Variants in PRKN observed in about 807,000 individuals in gnomAD.
PRKN encodes the protein parkin RBR E3 ubiquitin protein ligase, also known as E3 ubiquitin-protein ligase parkin.
PRKN carries 56 observed loss-of-function variants against 59.5 expected under a neutral mutation model. The ratio of observed to expected loss-of-function variants is 0.94; its 90% CI spans 0.76 to 1.18. PRKN has a LOEUF of 1.18. PRKN is among the 50% of genes most tolerant of loss of function. The pLI, the probability that PRKN is intolerant of heterozygous loss-of-function variation, is 0.00. For missense variants in PRKN, 657 were observed against 596.4 expected, an observed-to-expected ratio of 1.10 and a Z score of -1.06; for synonymous variants, 250 against 222.1, an observed-to-expected ratio of 1.13 and a Z score of -1.12.
intron 7 of PRKN, among the ~76,000 whole-genome samples, chr6:161,750,098 CATATATATAT>C (rs72125109): frequency 5.5e-5 from 8 of 145,112 alleles, no homozygotes; most frequent in Admixed American, 2.7e-4. Flanking sequence ...ACACATAGGA[CATATATATAT>C]ATATATATAT....
chr6:161,925,641 A>G (rs918432601), intron 6 of PRKN, among the ~76,000 whole-genome samples: 14 of 152,374 alleles, frequency 9.2e-5, no homozygotes, highest in Admixed American at 6.5e-4. Context: ...GATCCATTTT[A>G]TACTTCATTA....
chr6:162,160,885 C>T (rs1479837623), intron 4 of PRKN, among the ~76,000 whole-genome samples: 2 of 107,198 alleles, frequency 1.9e-5, no homozygotes, highest in Admixed American at 9.6e-5. Context: ...AGAGAGACTC[C>T]GTCTCAAAAA....
intron 5 of PRKN, among the ~76,000 whole-genome samples, chr6:162,036,302 C>A (rs1192907969): frequency 1.3e-5 from 2 of 151,774 alleles, no homozygotes; most frequent in East Asian, 3.9e-4. Context: ...CCAGCCTGGG[C>A]AACAGAGCGA....
intron 3 of PRKN, among the ~76,000 whole-genome samples, chr6:162,209,417 C>G (rs150791823): frequency 0.012 from 1,816 of 152,212 alleles, 41 homozygotes; most frequent in African/African-American, 0.042. Flanking sequence ...CCATCTCATG[C>G]CAGATAGAAT....
intron 3 of PRKN, among the ~76,000 whole-genome samples, chr6:162,258,433 T>C (rs748499930): frequency 1.3e-5 from 2 of 152,230 alleles, no homozygotes; most frequent in Non-Finnish European, 2.9e-5. Context: ...AGATGATGAA[T>C]GGCGCCTCAT....
chr6:162,418,671 G>C (rs1435055951), intron 2 of PRKN, among the ~76,000 whole-genome samples: 1 of 102,836 alleles, frequency 9.7e-6, no homozygotes, highest in Non-Finnish European at 1.9e-5. Flanking sequence ...TTGAGGGGGG[G>C]GATGGCTGGA....
intron 7 of PRKN, among the ~76,000 whole-genome samples, chr6:161,583,215 G>C (rs1781408099): frequency 6.6e-6 from 1 of 152,046 alleles, no homozygotes; most frequent in South Asian, 2.1e-4. Flanking sequence ...GTTATATATA[G>C]TTCCTTTAGA....
intron 8 of PRKN, among the ~76,000 whole-genome samples, chr6:161,569,027 T>C (rs1479251054): frequency 6.6e-6 from 1 of 152,074 alleles, no homozygotes; most frequent in Non-Finnish European, 1.5e-5. Flanking sequence ...CTTAGGAATG[T>C]CTATGACCAT....
chr6:161,575,515 T>C lies in PRKN; in HGVS notation c.872-6099A>G, dbSNP rs563161893. Reference sequence around the variant, plus strand: ...ATGCTGTAAAGTAGGGAAAACTCATTTGGAAAATATATTCCATTGAGAAGC... The same window carrying C: ...ATGCTGTAAAGTAGGGAAAACTCATCTGGAAAATATATTCCATTGAGAAGC... On this transcript the variant is annotated intron_variant, in intron 7 of 11. Transcript: ENST00000366898. This position sits in a 1 kb window ranked among gnomAD's most constrained non-coding sequence, Gnocchi z 4.6. 3.9e-5 allele frequency among the ~76,000 whole-genome samples: 6 copies of C among 152,340 alleles called. No individual in the cohort carries two copies. In the South Asian group the frequency reaches 1.0e-3, roughly 26 times the overall value.
intron 4 of PRKN, among the ~76,000 whole-genome samples, chr6:162,160,053 T>TTA (rs1213064904): frequency 6.6e-6 from 1 of 152,212 alleles, no homozygotes; most frequent in Non-Finnish European, 1.5e-5. Flanking sequence ...AAATTGGACT[T>TTA]TATCAAAATT....
chr6:162,454,360 T>C (rs1790764136), intron 1 of PRKN, among the ~76,000 whole-genome samples: 1 of 152,230 alleles, frequency 6.6e-6, no homozygotes, highest in Non-Finnish European at 1.5e-5. Flanking sequence ...GTTAGTATAC[T>C]GATAGTGATA....
intron 7 of PRKN, among the ~76,000 whole-genome samples, chr6:161,681,453 CTT>C (rs111558346): frequency 0.069 from 10,212 of 147,132 alleles, 405 homozygotes; most frequent in African/African-American, 0.12. Context: ...CCAAGTAAAT[CTT>C]TTTTTTTTTT....
intron 7 of PRKN, among the ~76,000 whole-genome samples, chr6:161,595,235 C>A (rs767035568): frequency 7.2e-5 from 11 of 152,082 alleles, no homozygotes; most frequent in Non-Finnish European, 1.3e-4. Flanking sequence ...TGTTCAAATA[C>A]GGCAAAAAGT....
At chr6:162,159,131 C>T (rs1381960856) in intron 4 of PRKN, among the ~76,000 whole-genome samples, 5 of 151,826 alleles carry the variant, frequency 3.3e-5, no homozygotes, top group Non-Finnish European at 5.9e-5. Context: ...GATTTGCTTA[C>T]CTTTAGGCCT....
intron 1 of PRKN, among the ~76,000 whole-genome samples, chr6:162,460,547 C>A (rs1791102162): frequency 6.6e-6 from 1 of 152,190 alleles, no homozygotes; most frequent in Admixed American, 6.5e-5. Flanking sequence ...AAAACTGTAT[C>A]TCCTCCGCTG....
chr6:161,766,313 C>CTTTTTTTTTTTTTTTTTTTTTTTTTTT (rs1583130349), intron 7 of PRKN, among the ~76,000 whole-genome samples: 1 of 82,650 alleles, frequency 1.2e-5, no homozygotes, highest in African/African-American at 4.1e-5. Flanking sequence ...TCATTGACCA[C>CTTTTTTTTTTTTTTTTTTTTTTTTTTT]ATTTTTTTTT....
rs1041412645 is a variant in PRKN at position 161,379,760 on chromosome 6, G to A, written c.1167+7034C>T. ...AGAGCTCCTTCTAGGACCTGCTGTG[G>A]CAACTGCACGGCAGTTCAGCCTTCC... On this transcript the variant is annotated intron_variant, in intron 10 of 11. Coordinates refer to ENST00000366898, the MANE Select transcript of PRKN (RefSeq NM_004562.3). The surrounding 1 kb of genome is among the most constrained non-coding windows in gnomAD (Gnocchi z 4.9). Among the ~76,000 whole-genome samples, 4 of 152,314 alleles carry A rather than the reference G, an allele frequency of 2.6e-5. No individual in the cohort carries two copies. Among genetic ancestry groups the A allele is most frequent in the Admixed American group, 2.6e-4 (4 of 15,308 alleles).
chr6:162,081,210 C>T (rs565595154), intron 4 of PRKN, among the ~76,000 whole-genome samples: 1 of 152,030 alleles, frequency 6.6e-6, no homozygotes, highest in Non-Finnish European at 1.5e-5. Context: ...ACTCATGAAT[C>T]ATGAAGTTCT....
intron 2 of PRKN, among the ~76,000 whole-genome samples, chr6:162,268,166 G>A (rs1583291620): frequency 6.6e-6 from 1 of 152,164 alleles, no homozygotes; most frequent in East Asian, 1.9e-4. Context: ...ACACTCTGAT[G>A]AGGGAATAAC....
Sources: gnomAD v4.1 joint callset for allele counts (sites outside exome capture counted in the v4.1 genomes callset) on GRCh38, gnomAD v4.1.1 for gene constraint, Gnocchi (gnomAD v3.1) non-coding constraint, MANE v1.5 for transcripts, NCBI Gene and HGNC (gene_info 2026-07-23, HGNC 2026-07-21) for gene names.